The following CHST11 variants were observed in gnomAD, a reference collection of about 807,000 sequenced individuals.
CHST11 encodes the protein carbohydrate sulfotransferase 11.
Under a neutral mutation model 30.4 loss-of-function variants are expected in CHST11, and 9 were observed. That is an observed-to-expected ratio of 0.30 (90% CI 0.18 to 0.52). The LOEUF is 0.52. CHST11 is among the 20% of genes least tolerant of loss of function. CHST11 has a pLI of 0.97. For synonymous variants in CHST11, 152 were observed against 187.8 expected (o/e 0.81, Z 1.56); for missense variants, 348 against 460.6 (o/e 0.76, Z 2.24).
At chr12:104,460,363 A>G (rs144383026) in intron 1 of CHST11, among the ~76,000 whole-genome samples, 14 of 152,102 alleles carry the variant, frequency 9.2e-5, no homozygotes, top group Non-Finnish European at 1.8e-4. Context: ...GAGAGGAGGG[A>G]GAGAAAGAAA....
chr12:104,585,175 T>C (rs556926590), intron 1 of CHST11, among the ~76,000 whole-genome samples: 2 of 152,326 alleles, frequency 1.3e-5, no homozygotes, highest in Non-Finnish European at 2.9e-5. Flanking sequence ...TCCAGCTATC[T>C]TTGCTTCTGG....
intron 1 of CHST11, among the ~76,000 whole-genome samples, chr12:104,568,898 A>G (rs1378045185): frequency 6.6e-6 from 1 of 152,212 alleles, no homozygotes; most frequent in Non-Finnish European, 1.5e-5. Flanking sequence ...TTAAAAATAA[A>G]AGTAGGTCAT....
chr12:104,466,633 A>G (rs896295649), intron 1 of CHST11, among the ~76,000 whole-genome samples: 1 of 152,260 alleles, frequency 6.6e-6, no homozygotes, highest in African/African-American at 2.4e-5. Context: ...CAGCTTTTCA[A>G]TTACCAGCCT....
At chr12:104,689,053 C>T (rs763169664) in intron 2 of CHST11, among the ~76,000 whole-genome samples, 7 of 152,210 alleles carry the variant, frequency 4.6e-5, no homozygotes, top group Admixed American at 1.3e-4. Flanking sequence ...TACACACATT[C>T]GTGAAAGAAC....
At chr12:104,477,399 G>A (rs1379184794) in intron 1 of CHST11, among the ~76,000 whole-genome samples, 4 of 152,176 alleles carry the variant, frequency 2.6e-5, no homozygotes, top group African/African-American at 7.2e-5. Context: ...GCGTGGGCTG[G>A]CATCTGCGAG....
rs1182404881 is a variant in CHST11, at chr12:104,757,526, C to T, written c.782C>T (p.Thr261Ile). Residue 261 changes from threonine to isoleucine, a missense_variant, in exon 3 of 3, where the codon ACC (threonine) becomes ATC (isoleucine). By Grantham distance (89) the Thr-to-Ile change is moderately conservative. Coordinates refer to ENST00000303694, the MANE Select transcript of CHST11 (RefSeq NM_018413.6). This position sits in a 1 kb window ranked among gnomAD's most constrained non-coding sequence, Gnocchi z 6.5. ...REEPFNEHWQ[T>I]VYSLCHPCHI... is the part of the protein sequence containing the mutation. ...GAGCCTTTCAACGAACACTGGCAAA[C>T]CGTCTACTCACTCTGCCATCCCTGC... The T allele has an allele frequency of 2.4e-5, 38 of 1,614,048 alleles. No individual in the cohort carries two copies. Among genetic ancestry groups the T allele is most frequent in the Non-Finnish European group, 3.2e-5 (38 of 1,180,046 alleles).
intron 1 of CHST11, among the ~76,000 whole-genome samples, chr12:104,500,847 C>T (rs989898743): frequency 4.6e-5 from 7 of 152,034 alleles, no homozygotes; most frequent in Admixed American, 1.3e-4. Context: ...TGAACTATTG[C>T]GGTAGGTTGG....
chr12:104,618,227 T>C (rs1484113338), intron 2 of CHST11, among the ~76,000 whole-genome samples: 4 of 148,852 alleles, frequency 2.7e-5, no homozygotes, highest in Admixed American at 6.7e-5. Context: ...TTCTTTTCTT[T>C]TTTTTTTTTT....
intron 1 of CHST11, among the ~76,000 whole-genome samples, chr12:104,523,611 T>G (rs2038094842): frequency 1.3e-5 from 2 of 152,150 alleles, no homozygotes; most frequent in African/African-American, 4.8e-5. Context: ...TGAAATGGAG[T>G]GCTCACATTC....
intron 2 of CHST11, among the ~76,000 whole-genome samples, chr12:104,737,847 G>A (rs1444985569): frequency 2.0e-5 from 3 of 152,152 alleles, no homozygotes; most frequent in African/African-American, 7.2e-5. Context: ...GGCGGAAAGG[G>A]AGGGCGAGGC....
At chr12:104,677,287 C>G (rs1266072065) in intron 2 of CHST11, among the ~76,000 whole-genome samples, 1 of 152,124 alleles carries the variant, frequency 6.6e-6, no homozygotes, top group Non-Finnish European at 1.5e-5. Flanking sequence ...TCGAGGGGTC[C>G]CCATGGCCTC....
At chr12:104,698,658 G>A (rs2039968451) in intron 2 of CHST11, among the ~76,000 whole-genome samples, 1 of 152,188 alleles carries the variant, frequency 6.6e-6, no homozygotes. Flanking sequence ...CATAGGCAGT[G>A]CTACCACTCA....
At chr12:104,483,522 CT>C (rs1187690153) in intron 1 of CHST11, among the ~76,000 whole-genome samples, 1 of 152,132 alleles carries the variant, frequency 6.6e-6, no homozygotes, top group Non-Finnish European at 1.5e-5. Flanking sequence ...TGCACTTTGA[CT>C]TTTTTTCATT....
intron 2 of CHST11, among the ~76,000 whole-genome samples, chr12:104,685,869 G>A (rs1423420380): frequency 6.6e-6 from 1 of 152,124 alleles, no homozygotes; most frequent in Non-Finnish European, 1.5e-5. Flanking sequence ...ATTTATTCCT[G>A]TGCTATTTGG....
At chr12:104,527,699 T>C (rs2038141136) in intron 1 of CHST11, among the ~76,000 whole-genome samples, 2 of 152,234 alleles carry the variant, frequency 1.3e-5, no homozygotes, top group African/African-American at 4.8e-5. Flanking sequence ...CCCAACTTAG[T>C]GCTCTATTAG....
intron 1 of CHST11, among the ~76,000 whole-genome samples, chr12:104,465,250 G>A (rs1274358547): frequency 6.6e-6 from 1 of 152,208 alleles, no homozygotes; most frequent in African/African-American, 2.4e-5. Context: ...GGCCAGACTG[G>A]CATGCAGTCT....
chr12:104,643,353 G>A (rs561955978), intron 2 of CHST11, among the ~76,000 whole-genome samples: 5 of 152,218 alleles, frequency 3.3e-5, no homozygotes, highest in South Asian at 2.1e-4. Context: ...ACAAAAAACC[G>A]CAAACCTTGT....
chr12:104,725,463 T>C (rs2040209504), intron 2 of CHST11, among the ~76,000 whole-genome samples: 1 of 152,242 alleles, frequency 6.6e-6, no homozygotes, highest in Non-Finnish European at 1.5e-5. Flanking sequence ...TACACAGTTC[T>C]CAGGTTCCTT....
At chr12:104,738,218 T>C (rs2040317387) in intron 2 of CHST11, among the ~76,000 whole-genome samples, 1 of 152,128 alleles carries the variant, frequency 6.6e-6, no homozygotes, top group Admixed American at 6.5e-5. Flanking sequence ...ATTTTGGGCA[T>C]AAAGCCTGTG....
Sources: allele counts gnomAD v4.1 joint callset (sites outside exome capture counted in the v4.1 genomes callset), GRCh38; gene constraint gnomAD v4.1.1; non-coding constraint Gnocchi (gnomAD v3.1); transcripts MANE v1.5; gene names NCBI Gene and HGNC (gene_info 2026-07-23, HGNC 2026-07-21).